Variants in FAM135B observed in about 807,000 individuals in gnomAD.
FAM135B encodes the protein protein FAM135B.
Under a neutral mutation model 127.7 loss-of-function variants are expected in FAM135B, and 43 were observed. The observed-to-expected ratio is 0.34, with a 90% confidence interval of 0.26 to 0.43. The LOEUF is 0.43. Among genes scored for constraint, FAM135B ranks in the 20% least tolerant of loss-of-function variants. The pLI, the probability that FAM135B is intolerant of heterozygous loss-of-function variation, is 1.00. For synonymous variants in FAM135B, 670 were observed against 665.1 expected (o/e 1.01, Z -0.11); for missense variants, 1,558 against 1,725.6 (o/e 0.90, Z 1.72).
intron 1 of FAM135B, among the ~76,000 whole-genome samples, chr8:138,391,607 G>C (rs945725757): frequency 1.3e-5 from 2 of 152,162 alleles, no homozygotes; most frequent in African/African-American, 4.8e-5. Context: ...AGGCTAGCTG[G>C]TGGGCCATCC....
At chr8:138,373,189 G>A (rs1399553730) in intron 1 of FAM135B, among the ~76,000 whole-genome samples, 1 of 152,146 alleles carries the variant, frequency 6.6e-6, no homozygotes, top group African/African-American at 2.4e-5. Flanking sequence ...TCCATGTTGT[G>A]GGAAGTCAGG....
intron 1 of FAM135B, among the ~76,000 whole-genome samples, chr8:138,369,512 A>G (rs1830981475): frequency 6.6e-6 from 1 of 152,188 alleles, no homozygotes; most frequent in Admixed American, 6.5e-5. Context: ...AGAAGGCTGC[A>G]TACCAAATTA....
At chr8:138,253,917 G>T (rs1821890685) in intron 5 of FAM135B, among the ~76,000 whole-genome samples, 1 of 152,146 alleles carries the variant, frequency 6.6e-6, no homozygotes, top group African/African-American at 2.4e-5. Context: ...AAAAAATGTG[G>T]CATTTTCAAT....
intron 2 of FAM135B, among the ~76,000 whole-genome samples, chr8:138,343,707 C>A (rs957302688): frequency 4.6e-5 from 7 of 152,230 alleles, no homozygotes; most frequent in Admixed American, 4.6e-4. Flanking sequence ...CATCACCTCC[C>A]AAACGTGTCT....
intron 1 of FAM135B, among the ~76,000 whole-genome samples, chr8:138,453,556 G>T (rs1371518297): frequency 6.6e-6 from 1 of 152,198 alleles, no homozygotes; most frequent in East Asian, 1.9e-4. Flanking sequence ...TTGGGGATTT[G>T]CTCAAGTAGC....
At chr8:138,246,782 G>A (rs1245078605) in intron 6 of FAM135B, among the ~76,000 whole-genome samples, 3 of 152,164 alleles carry the variant, frequency 2.0e-5, no homozygotes, top group Non-Finnish European at 4.4e-5. Flanking sequence ...CTTGCACCAT[G>A]CACCTGGAAA....
At chr8:138,252,431 T>C (rs1193756606) in intron 5 of FAM135B, among the ~76,000 whole-genome samples, 1 of 152,312 alleles carries the variant, frequency 6.6e-6, no homozygotes, top group South Asian at 2.1e-4. Context: ...TTCCCAAGAA[T>C]CACAGATATA....
In FAM135B at chr8:138,242,645, C is replaced by T. The variant is rs1406641141; in HGVS notation, c.669+297G>A. Among the ~76,000 whole-genome samples, 4 of 152,226 alleles carry T rather than the reference C, an allele frequency of 2.6e-5. No individual in the cohort carries two copies. The highest frequency in any genetic ancestry group is 2.1e-4 in the South Asian group (1 of 4,818). ...CAACGTTATCACATAGTCTGAGTGGCCCCCTCACAGCACAGCCTCCTGACC... is the reference window on the plus strand; with the variant it reads ...CAACGTTATCACATAGTCTGAGTGGTCCCCTCACAGCACAGCCTCCTGACC... On this transcript the variant is annotated intron_variant, in intron 7 of 19. Transcript: ENST00000395297. The surrounding 1 kb of genome is among the most constrained non-coding windows in gnomAD (Gnocchi z 9.6).
intron 3 of FAM135B, among the ~76,000 whole-genome samples, chr8:138,278,673 C>T (rs1307658278): frequency 2.0e-5 from 3 of 148,612 alleles, no homozygotes; most frequent in East Asian, 2.1e-4. Context: ...AGCGATTTTC[C>T]TACCTCAGCC....
chr8:138,471,198 T>C (rs13251646), intron 1 of FAM135B, among the ~76,000 whole-genome samples: 53,526 of 150,190 alleles, frequency 0.36, 11,387 homozygotes, highest in South Asian at 0.56. Context: ...CAACACATTA[T>C]CATGCACACA....
chr8:138,384,254 C>A (rs956994573), intron 1 of FAM135B, among the ~76,000 whole-genome samples: 1 of 152,196 alleles, frequency 6.6e-6, no homozygotes, highest in African/African-American at 2.4e-5. Context: ...TGACTGAACC[C>A]ATCAAGGGTG....
intron 1 of FAM135B, among the ~76,000 whole-genome samples, chr8:138,374,537 T>C (rs16908992): frequency 0.033 from 4,965 of 152,176 alleles, 267 homozygotes; most frequent in African/African-American, 0.11. Context: ...ATCTGGTAAG[T>C]AGTAGAGGTT....
At chr8:138,238,352 C>G (rs1274719016) in intron 7 of FAM135B, among the ~76,000 whole-genome samples, 1 of 152,124 alleles carries the variant, frequency 6.6e-6, no homozygotes, top group African/African-American at 2.4e-5. Flanking sequence ...TATCCTTTGA[C>G]TGATAAGCCA....
At position 138,221,887 on chromosome 8, in the gene FAM135B, C is replaced by A. The variant is rs1819048210; in HGVS notation, c.669+21055G>T. 2.0e-5 allele frequency among the ~76,000 whole-genome samples: 3 copies of A among 152,256 alleles called. No homozygotes were observed. In the South Asian group the frequency reaches 6.2e-4, roughly 32 times the overall value. On this transcript the variant is annotated intron_variant, in intron 7 of 19. Transcript: ENST00000395297. Reference sequence around the variant, plus strand: ...TGCGCACACACCCACACATATCCAGCCCTGAAAAATATAAAACCACAATGC... The same window carrying A: ...TGCGCACACACCCACACATATCCAGACCTGAAAAATATAAAACCACAATGC...
At chr8:138,145,022 T>G (rs1817540682) in intron 15 of FAM135B, among the ~76,000 whole-genome samples, 1 of 152,172 alleles carries the variant, frequency 6.6e-6, no homozygotes. Flanking sequence ...TTTAGTTTTA[T>G]TTTATTTTTT....
In FAM135B at chr8:138,495,405, A is replaced by G. The variant is rs530051535; in HGVS notation, c.-20+1266T>C. 6.6e-5 allele frequency among the ~76,000 whole-genome samples: 10 copies of G among 152,318 alleles called. No individual in the cohort carries two copies. In the South Asian group the frequency reaches 2.1e-3, roughly 32 times the overall value. On this transcript the variant is annotated intron_variant, in intron 1 of 19. Transcript: ENST00000395297. Reference sequence around the variant, plus strand: ...AACCATCTGTCTAAGCTCTGATAACATCATCCATATTATGACATAAATCTC... The same window carrying G: ...AACCATCTGTCTAAGCTCTGATAACGTCATCCATATTATGACATAAATCTC...
intron 12 of FAM135B, among the ~76,000 whole-genome samples, chr8:138,166,152 T>C (rs1219978987): frequency 6.6e-6 from 1 of 152,200 alleles, no homozygotes; most frequent in African/African-American, 2.4e-5. Context: ...CCTCAGATTC[T>C]CTCTGTGGCA....
At chr8:138,443,485 T>C (rs917573087) in intron 1 of FAM135B, among the ~76,000 whole-genome samples, 1 of 152,142 alleles carries the variant, frequency 6.6e-6, no homozygotes, top group Admixed American at 6.6e-5. Context: ...AAAGGACATT[T>C]TTCAAAATCT....
chr8:138,259,818 CACA>C (rs1472358838), intron 4 of FAM135B, among the ~76,000 whole-genome samples: 1 of 152,164 alleles, frequency 6.6e-6, no homozygotes, highest in African/African-American at 2.4e-5. Context: ...AAAAAATCAG[CACA>C]GTGCCTGCCA....
Sources: gnomAD v4.1 joint callset for allele counts (sites outside exome capture counted in the v4.1 genomes callset) on GRCh38, gnomAD v4.1.1 for gene constraint, Gnocchi (gnomAD v3.1) non-coding constraint, MANE v1.5 for transcripts, NCBI Gene and HGNC (gene_info 2026-07-23, HGNC 2026-07-21) for gene names.